The following KHDRBS2 variants were observed in gnomAD, a reference collection of about 807,000 sequenced individuals.
The protein encoded by KHDRBS2 is KH RNA binding domain containing, signal transduction associated 2, also known as KH domain-containing, RNA-binding, signal transduction-associated protein 2.
KHDRBS2 carries 26 observed loss-of-function variants against 44.3 expected under a neutral mutation model. The observed-to-expected ratio is 0.59, with a 90% CI of 0.43 to 0.81. KHDRBS2 has a LOEUF of 0.81. Ranked by LOEUF, KHDRBS2 falls within the 40% of genes least tolerant of loss-of-function variation. KHDRBS2 has a pLI of 0.00. For synonymous variants in KHDRBS2, 194 were observed against 151.1 expected (o/e 1.28, Z -2.08); for missense variants, 476 against 433.1 (o/e 1.10, Z -0.88).
At chr6:61,753,829 G>A (rs1398426192) in intron 6 of KHDRBS2, among the ~76,000 whole-genome samples, 2 of 152,168 alleles carry the variant, frequency 1.3e-5, no homozygotes, top group East Asian at 3.9e-4. Flanking sequence ...AGGTATAATT[G>A]AGAATCTTGA....
chr6:62,285,893 G>T lies in KHDRBS2; in HGVS notation c.56C>A (p.Pro19Gln). 6.2e-7 allele frequency: 1 copy of T among 1,613,362 alleles called. No homozygotes were observed. The highest frequency in any genetic ancestry group is 1.1e-5 in the South Asian group (1 of 90,960). ...ELMAEKDSLDPSFVHASRLLA... is the reference protein window; with the variant it reads ...ELMAEKDSLDQSFVHASRLLA... Reference sequence around the variant, plus strand: ...AAGGCGCGACGCATGCACAAAAGATGGATCCAGGCTATCTTTCTCTGCCAT... The same window carrying T: ...AAGGCGCGACGCATGCACAAAAGATTGATCCAGGCTATCTTTCTCTGCCAT... The change falls in exon 1 of 9, where the codon CCA becomes CAA. Residue 19 changes from proline (P) to glutamine (Q), a missense_variant. Coordinates refer to ENST00000281156, the MANE Select transcript of KHDRBS2 (RefSeq NM_152688.4).
At chr6:61,568,613 G>C in the KHDRBS2 span, among the ~76,000 whole-genome samples, 1 of 108,106 alleles carries the variant, frequency 9.3e-6, no homozygotes, top group African/African-American at 4.1e-5. Flanking sequence ...TGGGAAACCT[G>C]ACTTTGAACA....
At chr6:61,702,371 C>T (rs879824654) in intron 7 of KHDRBS2, among the ~76,000 whole-genome samples, 1 of 151,886 alleles carries the variant, frequency 6.6e-6, no homozygotes, top group Non-Finnish European at 1.5e-5. Flanking sequence ...TGAATGATGC[C>T]ATGGAGCAGA....
Position 61,769,450 on chromosome 6 carries a change from G to T in KHDRBS2, c.811-36686C>A, listed in dbSNP as rs185122437. ...TGACAGATGGCACCTGGAAAATCGG[G>T]TCACTCCCACCCTAATACTGCGCTT... On this transcript the variant is annotated intron_variant, in intron 6 of 8. Transcript: ENST00000281156. Among the ~76,000 whole-genome samples, 1,296 of 152,252 alleles carry T rather than the reference G, an allele frequency of 8.5e-3. 16 individuals carry two copies. The highest frequency in any genetic ancestry group is 0.05 in the South Asian group (239 of 4,828).
the KHDRBS2 span, among the ~76,000 whole-genome samples, chr6:61,587,315 G>A: frequency 1.3e-5 from 2 of 151,862 alleles, no homozygotes; most frequent in African/African-American, 4.8e-5. Context: ...ATGTGTCCAG[G>A]GACAGTCAGC....
intron 1 of KHDRBS2, among the ~76,000 whole-genome samples, chr6:62,213,873 CAAAAAA>C (rs67482871): frequency 1.4e-4 from 6 of 41,488 alleles, no homozygotes; most frequent in African/African-American, 1.8e-4. Flanking sequence ...GACTCCATCT[CAAAAAA>C]AAAAAAAAAA....
chr6:61,952,331 C>T (rs1013530342), intron 4 of KHDRBS2, among the ~76,000 whole-genome samples: 1 of 152,034 alleles, frequency 6.6e-6, no homozygotes, highest in Non-Finnish European at 1.5e-5. Flanking sequence ...AGTGTCAATG[C>T]ACCACTGACA....
At chr6:61,911,819 A>T (rs13214283) in intron 4 of KHDRBS2, among the ~76,000 whole-genome samples, 2 of 151,756 alleles carry the variant, frequency 1.3e-5, no homozygotes, top group African/African-American at 4.8e-5. Context: ...TATTGCCATG[A>T]ATGCCACTTC....
At chr6:61,556,218 C>A in the KHDRBS2 span, among the ~76,000 whole-genome samples, 1 of 152,164 alleles carries the variant, frequency 6.6e-6, no homozygotes, top group Non-Finnish European at 1.5e-5. Flanking sequence ...TGCATTAACA[C>A]CAGCGATGAT....
intron 3 of KHDRBS2, among the ~76,000 whole-genome samples, chr6:62,033,180 G>C (rs368008827): frequency 2.8e-4 from 42 of 151,796 alleles, no homozygotes; most frequent in African/African-American, 8.9e-4. Context: ...GGAGACAAAA[G>C]AAAAGAGAAT....
chr6:62,101,712 T>C (rs1801939668), intron 2 of KHDRBS2, among the ~76,000 whole-genome samples: 1 of 152,162 alleles, frequency 6.6e-6, no homozygotes, highest in South Asian at 2.1e-4. Flanking sequence ...TAAAGGAAAT[T>C]AGAGAATGGA....
At chr6:61,548,432 C>A in the KHDRBS2 span, among the ~76,000 whole-genome samples, 1 of 152,022 alleles carries the variant, frequency 6.6e-6, no homozygotes, top group Non-Finnish European at 1.5e-5. Context: ...TTGATTAAGT[C>A]TAGGATGAGG....
intron 4 of KHDRBS2, among the ~76,000 whole-genome samples, chr6:61,908,692 T>C (rs930358996): frequency 6.6e-6 from 1 of 151,952 alleles, no homozygotes; most frequent in Non-Finnish European, 1.5e-5. Context: ...TGTATTCCAT[T>C]TTTCTGGAAA....
At chr6:61,754,493 C>A (rs1778194497) in intron 6 of KHDRBS2, among the ~76,000 whole-genome samples, 2 of 151,506 alleles carry the variant, frequency 1.3e-5, no homozygotes, top group Admixed American at 6.6e-5. Context: ...GACAACAAAT[C>A]TGTCACACAG....
chr6:62,022,214 T>C, intron 3 of KHDRBS2, among the ~76,000 whole-genome samples: 1 of 151,794 alleles, frequency 6.6e-6, no homozygotes, highest in South Asian at 2.1e-4. Flanking sequence ...TGTTTCCTTA[T>C]GAATTAAAAA....
At chr6:61,839,631 A>G (rs996328863) in intron 6 of KHDRBS2, among the ~76,000 whole-genome samples, 2 of 152,114 alleles carry the variant, frequency 1.3e-5, no homozygotes, top group African/African-American at 4.8e-5. Flanking sequence ...TAAAATTGCA[A>G]TGATTTGGGG....
At chr6:61,848,192 TC>T (rs1251206069) in intron 6 of KHDRBS2, among the ~76,000 whole-genome samples, 1 of 151,746 alleles carries the variant, frequency 6.6e-6, no homozygotes, top group African/African-American at 2.4e-5. Flanking sequence ...GGAAGTGGTT[TC>T]AGGAAACTGT....
At chr6:62,177,105 TAA>T in intron 2 of KHDRBS2, 78 bp downstream of exon 2, 1 of 852,480 alleles carries the variant, frequency 1.2e-6, no homozygotes, top group Non-Finnish European at 1.7e-6. Flanking sequence ...ATTTATTTTA[TAA>T]AAGTGAATAA....
intron 7 of KHDRBS2, among the ~76,000 whole-genome samples, chr6:61,722,715 AT>A (rs11327085): frequency 0.37 from 53,486 of 146,248 alleles, 10,054 homozygotes; most frequent in East Asian, 0.48. Context: ...ATATATTTCT[AT>A]TTTTTTTTTT....
Sources: allele counts gnomAD v4.1 joint callset (sites outside exome capture counted in the v4.1 genomes callset), GRCh38; gene constraint gnomAD v4.1.1; transcripts MANE v1.5; gene names NCBI Gene and HGNC (gene_info 2026-07-23, HGNC 2026-07-21).